Variants in INTS6 observed in about 807,000 individuals in gnomAD.
INTS6 encodes the protein integrator complex subunit 6.
In INTS6, 16 loss-of-function variants were observed where a neutral mutation model predicts 104.9. The observed-to-expected ratio is 0.15, with a 90% CI of 0.10 to 0.23. The LOEUF (loss-of-function observed/expected upper bound fraction) is 0.23, where lower values mean the gene tolerates loss of function less well. INTS6 is among the 10% of genes least tolerant of loss of function. INTS6 has a pLI of 1.00. For missense variants in INTS6, 584 were observed against 1,062.8 expected, an observed-to-expected ratio of 0.55 and a Z score of 6.26; for synonymous variants, 324 against 358.7, an observed-to-expected ratio of 0.90 and a Z score of 1.09.
intron 4 of INTS6, among the ~76,000 whole-genome samples, chr13:51,398,056 C>G (rs1453525339): frequency 3.9e-5 from 6 of 152,106 alleles, no homozygotes; most frequent in Non-Finnish European, 8.8e-5. Context: ...TATTGCTTCT[C>G]ATTTCTCCCT....
Position 51,452,702 on chromosome 13 carries a change from G to T in INTS6, c.-177C>A. 8.1e-6 allele frequency: 11 copies of T among 1,366,064 alleles called. No homozygotes were observed. The highest frequency in any genetic ancestry group is 1.0e-5 in the Non-Finnish European group (11 of 1,058,618). The allele number at this position is 1,366,064 out of a possible 1,614,324, so 84.6% of individuals were successfully genotyped here. On this transcript the variant is annotated 5_prime_UTR_variant, in exon 1 of 18. Coordinates refer to ENST00000311234, the MANE Select transcript of INTS6 (RefSeq NM_012141.3). This position sits in a 1 kb window ranked among gnomAD's most constrained non-coding sequence, Gnocchi z 4.2. ...GGAGTTTCTCCCCCGATAGTTGAGA[G>T]GAAACTCCCCAGACCCAGTGCTCCC...
rs771450379 is a variant in INTS6, at chr13:51,384,719, A to G, written c.895-978T>C. On this transcript the variant is annotated intron_variant, in intron 7 of 17. Transcript: ENST00000311234. The stretch of plus-strand genomic sequence containing the variant: ...CTGTCACAAAGACCTGGATAAACTG[A>G]TATCACAAATTCTAAGGCACTTACC... 44 of 456,628 alleles carry G rather than the reference A, an allele frequency of 9.6e-5. No homozygotes were observed. The Middle Eastern group carries it at 6.2e-3, about 64-fold the overall frequency. 28.3% of individuals were successfully genotyped at this position (456,628 alleles called of 1,614,324 possible). A position where few individuals can be genotyped will look rare whatever the true frequency, so the allele number is the denominator to read the frequency against.
Position 51,450,071 on chromosome 13 carries a change from T to C in INTS6, c.339+954A>G, listed in dbSNP as rs933865361. ...ATAAAAGTTGTAGTCACAGAAAGAATTTCCCTGAAATGTACGAAACTCACA... is the reference window on the plus strand; with the variant it reads ...ATAAAAGTTGTAGTCACAGAAAGAACTTCCCTGAAATGTACGAAACTCACA... On this transcript the variant is annotated intron_variant, in intron 3 of 17. Coordinates refer to ENST00000311234, the MANE Select transcript of INTS6 (RefSeq NM_012141.3). 9.1e-6 allele frequency: 9 copies of C among 985,270 alleles called. No individual in the cohort carries two copies. In the African/African-American group the frequency reaches 1.2e-4, roughly 13 times the overall value. 61.0% of individuals were successfully genotyped at this position (985,270 alleles called of 1,614,324 possible).
chr13:51,340,556 G>A, the INTS6 span, among the ~76,000 whole-genome samples: 303 of 152,256 alleles, frequency 2.0e-3, 2 homozygotes, highest in African/African-American at 7.0e-3. Flanking sequence ...GGCCTCAAAG[G>A]TTCAATCATC....
intron 4 of INTS6, among the ~76,000 whole-genome samples, chr13:51,396,756 C>CTGG (rs1236243875): frequency 2.6e-5 from 4 of 152,082 alleles, no homozygotes; most frequent in African/African-American, 9.7e-5. Context: ...GAATGTGGAA[C>CTGG]ATTATACAGG....
intron 4 of INTS6, among the ~76,000 whole-genome samples, chr13:51,419,159 T>G (rs1289520225): frequency 1.3e-5 from 2 of 152,198 alleles, no homozygotes; most frequent in Non-Finnish European, 2.9e-5. Flanking sequence ...TAGTTCAACC[T>G]ACAATCATGT....
chr13:51,340,146 C>G, the INTS6 span, among the ~76,000 whole-genome samples: 2 of 152,186 alleles, frequency 1.3e-5, no homozygotes, highest in African/African-American at 4.8e-5. Flanking sequence ...GCAGGGTGAG[C>G]TGCTCACTGG....
At chr13:51,417,452 CT>C (rs34887995) in intron 4 of INTS6, among the ~76,000 whole-genome samples, 1,358 of 112,452 alleles carry the variant, frequency 0.012, 14 homozygotes, top group African/African-American at 0.036. Flanking sequence ...TAAGAAAATT[CT>C]TTTTTTTTTT....
intron 15 of INTS6, 135 bp downstream of exon 15, chr13:51,374,073 T>G (rs980264389): frequency 5.0e-5 from 33 of 653,798 alleles, no homozygotes; most frequent in Non-Finnish European, 7.6e-5. Flanking sequence ...CATGCTCATT[T>G]AAACAAATTT....
chr13:51,440,890 T>C (rs1477361150), intron 3 of INTS6: 1 of 152,182 alleles, frequency 6.6e-6, no homozygotes, highest in Non-Finnish European at 1.5e-5. Context: ...TACATAACTG[T>C]ATGATAGGTT....
At chr13:51,439,465 T>C (rs1485363728) in intron 3 of INTS6, 1 of 152,158 alleles carries the variant, frequency 6.6e-6, no homozygotes, top group Non-Finnish European at 1.5e-5. Context: ...ATACCAATAA[T>C]CAATTTCCAA....
At chr13:51,349,286 A>G (rs983260619), downstream of INTS6, among the ~76,000 whole-genome samples, 1 of 152,190 alleles carries the variant, frequency 6.6e-6, no homozygotes, top group Admixed American at 6.5e-5. Context: ...CACTAGAAGG[A>G]AAAAATACAA....
chr13:51,431,211 C>A lies in INTS6; in HGVS notation c.340-828G>T, dbSNP rs540077261. 1.6e-4 allele frequency among the ~76,000 whole-genome samples: 24 copies of A among 152,250 alleles called. No individual in the cohort carries two copies. In the South Asian group the frequency reaches 1.9e-3, roughly 12 times the overall value. On this transcript the variant is annotated intron_variant, in intron 3 of 17. Coordinates refer to ENST00000311234, the MANE Select transcript of INTS6 (RefSeq NM_012141.3). ...AAATGGCTCCCATTTGAAGGACTGA[C>A]AGAACTAAGACCAAAGGATATAAAT...
intron 4 of INTS6, among the ~76,000 whole-genome samples, chr13:51,410,106 C>T (rs1050380943): frequency 6.6e-6 from 1 of 152,106 alleles, no homozygotes; most frequent in African/African-American, 2.4e-5. Context: ...AAAAATATGC[C>T]ATGCTCATGG....
At chr13:51,348,495 G>C in the INTS6 span, 2 of 1,167,988 alleles carry the variant, frequency 1.7e-6, no homozygotes, top group Non-Finnish European at 2.5e-6. Context: ...TCTGCCTCCA[G>C]GGTCTGTGCT....
At chr13:51,387,331 A>T in intron 7 of INTS6, 55 bp downstream of exon 7, 1 of 1,476,626 alleles carries the variant, frequency 6.8e-7, no homozygotes, top group Non-Finnish European at 9.1e-7. Flanking sequence ...TTTGAAACTA[A>T]TAGGAAAGAC....
chr13:51,383,945 TGAAAA>T, intron 7 of INTS6: 1 of 368,784 alleles, frequency 2.7e-6, no homozygotes, highest in Non-Finnish European at 4.8e-6. Flanking sequence ...GATAAACACT[TGAAAA>T]TCTATAGAAA....
At chr13:51,366,151 A>G (rs1955683720) in intron 17 of INTS6, among the ~76,000 whole-genome samples, 1 of 152,010 alleles carries the variant, frequency 6.6e-6, no homozygotes, top group Admixed American at 6.6e-5. Flanking sequence ...TATTCAAAAT[A>G]TATTCAAGGG....
chr13:51,371,347 G>A (rs922287801), intron 15 of INTS6, among the ~76,000 whole-genome samples: 2 of 152,048 alleles, frequency 1.3e-5, no homozygotes, highest in Admixed American at 6.6e-5. Flanking sequence ...CAGTACTCCC[G>A]CTACTGCTCC....
Sources: gnomAD v4.1 joint callset for allele counts (sites outside exome capture counted in the v4.1 genomes callset) on GRCh38, gnomAD v4.1.1 for gene constraint, Gnocchi (gnomAD v3.1) non-coding constraint, MANE v1.5 for transcripts, NCBI Gene and HGNC (gene_info 2026-07-23, HGNC 2026-07-21) for gene names.